Variants in SVIL observed in about 807,000 individuals in gnomAD.
SVIL encodes the protein archvillin.
SVIL carries 101 observed loss-of-function variants against 240.4 expected under a neutral mutation model. The ratio of observed to expected loss-of-function variants is 0.42; its 90% CI spans 0.36 to 0.50. The LOEUF (loss-of-function observed/expected upper bound fraction) is 0.50. Among genes scored for constraint, SVIL ranks in the 20% least tolerant of loss-of-function variants. SVIL has a pLI of 0.01. For synonymous variants in SVIL, 999 were observed against 1,100.0 expected (o/e 0.91, Z 1.82); for missense variants, 2,512 against 2,818.7 (o/e 0.89, Z 2.46).
chr10:29,495,158 T>C lies in SVIL; in HGVS notation c.3688A>G (p.Thr1230Ala). Residue 1230 changes from threonine to alanine, a missense_variant, in exon 19 of 38, where the codon ACC becomes GCC. Around this residue, in one of 3 missense-constraint regions of SVIL, gnomAD observed 272 missense variants for 406.8 expected, o/e 0.67. Transcript: ENST00000355867. ...CCGCAAATGGGTGAGGCTACTGGGGTTATGGCAGTAGGTGACGCCAAACCT... is the reference window on the plus strand; with the variant it reads ...CCGCAAATGGGTGAGGCTACTGGGGCTATGGCAGTAGGTGACGCCAAACCT... The part of the protein sequence containing the change: ...KKGLASPTAI[T>A]PVASPICGKT... 4 of 1,529,926 alleles carry C rather than the reference T, an allele frequency of 2.6e-6. No homozygotes were observed. Among genetic ancestry groups the C allele is most frequent in the Non-Finnish European group, 3.6e-6 (4 of 1,115,366 alleles). 94.8% of individuals were successfully genotyped at this position (1,529,926 alleles called of 1,614,324 possible).
Position 29,488,141 on chromosome 10 carries a change from T to C in SVIL, c.4348+460A>G, listed in dbSNP as rs1345326523. Among the ~76,000 whole-genome samples, 5 of 152,166 alleles carry C rather than the reference T, an allele frequency of 3.3e-5. No homozygotes were observed. The East Asian group carries it at 9.6e-4, about 29-fold the overall frequency. ...CAGGTGGGCTTCATCTGCGTCGAAC[T>C]TCCCTTGATTCCTTCTCCAAGCTGT... On this transcript the variant is annotated intron_variant, in intron 23 of 37. Transcript: ENST00000355867.
At chr10:29,659,002 C>T (rs1192519338) in intron 2 of SVIL, among the ~76,000 whole-genome samples, 4 of 152,182 alleles carry the variant, frequency 2.6e-5, no homozygotes, top group Non-Finnish European at 5.9e-5. Flanking sequence ...CAGGCAGAGA[C>T]AATCTCTGCA....
At chr10:29,716,751 T>C (rs896723378) in intron 1 of SVIL, among the ~76,000 whole-genome samples, 5 of 152,246 alleles carry the variant, frequency 3.3e-5, no homozygotes, top group African/African-American at 1.2e-4. Flanking sequence ...CTTGGATTCT[T>C]GAAGCAGTTT....
chr10:29,705,962 C>T (rs1962863338), intron 1 of SVIL, among the ~76,000 whole-genome samples: 1 of 152,142 alleles, frequency 6.6e-6, no homozygotes, highest in South Asian at 2.1e-4. Flanking sequence ...GTGCATGTTT[C>T]TTTATAATAG....
chr10:29,615,255 T>G (rs1194369897), intron 1 of SVIL, among the ~76,000 whole-genome samples: 1 of 152,250 alleles, frequency 6.6e-6, no homozygotes, highest in African/African-American at 2.4e-5. Flanking sequence ...TAGCTTTAAT[T>G]AAAGAATTTT....
chr10:29,662,577 C>T (rs994241851), intron 2 of SVIL, among the ~76,000 whole-genome samples: 3 of 152,166 alleles, frequency 2.0e-5, no homozygotes, highest in Admixed American at 6.5e-5. Context: ...ATCCATCACC[C>T]CTCAGATAGC....
intron 3 of SVIL, among the ~76,000 whole-genome samples, chr10:29,646,563 TC>T (rs1444191772): frequency 1.3e-4 from 20 of 152,232 alleles, no homozygotes; most frequent in Non-Finnish European, 2.6e-4. Context: ...GCAAGTTCAG[TC>T]CTTTCTCCCC....
chr10:29,593,692 G>A (rs1956475291), intron 1 of SVIL, among the ~76,000 whole-genome samples: 1 of 151,892 alleles, frequency 6.6e-6, no homozygotes, highest in South Asian at 2.1e-4. Flanking sequence ...TTTGGACAAT[G>A]TGCCAAAACT....
At chr10:29,662,225 A>C (rs1444865456) in intron 2 of SVIL, among the ~76,000 whole-genome samples, 1 of 152,142 alleles carries the variant, frequency 6.6e-6, no homozygotes, top group Non-Finnish European at 1.5e-5. Flanking sequence ...GTCTCATACA[A>C]ATCTTTCAGG....
At chr10:29,649,207 T>C (rs1174414764) in intron 3 of SVIL, among the ~76,000 whole-genome samples, 1 of 152,144 alleles carries the variant, frequency 6.6e-6, no homozygotes, top group Non-Finnish European at 1.5e-5. Context: ...AATTTTTTCA[T>C]GGGTGATATT....
At chr10:29,464,342 G>A (rs1944633454) in intron 34 of SVIL, among the ~76,000 whole-genome samples, 1 of 152,202 alleles carries the variant, frequency 6.6e-6, no homozygotes, top group African/African-American at 2.4e-5. Context: ...AGGAAGCTAA[G>A]GAGAGAGGAT....
At chr10:29,728,694 G>A (rs534570429) in intron 1 of SVIL, among the ~76,000 whole-genome samples, 98 of 152,296 alleles carry the variant, frequency 6.4e-4, no homozygotes, top group African/African-American at 2.2e-3. Flanking sequence ...CTGGGAAACT[G>A]CAGACACAAA....
intron 1 of SVIL, among the ~76,000 whole-genome samples, chr10:29,615,776 A>G: frequency 6.6e-6 from 1 of 152,210 alleles, no homozygotes; most frequent in East Asian, 1.9e-4. Flanking sequence ...TATCAGGCAT[A>G]ATATCAAATT....
intron 2 of SVIL, among the ~76,000 whole-genome samples, chr10:29,667,055 C>A (rs1237545343): frequency 6.6e-6 from 1 of 152,030 alleles, no homozygotes; most frequent in Admixed American, 6.6e-5. Context: ...GGCACAGGTA[C>A]TTTGGGAAAC....
chr10:29,605,312 A>G (rs1355145242), intron 1 of SVIL, among the ~76,000 whole-genome samples: 1 of 152,140 alleles, frequency 6.6e-6, no homozygotes, highest in Non-Finnish European at 1.5e-5. Context: ...ATCTGAAAGA[A>G]CTCTGACAAA....
At chr10:29,548,554 C>T (rs1290428525) in intron 6 of SVIL, among the ~76,000 whole-genome samples, 1 of 152,184 alleles carries the variant, frequency 6.6e-6, no homozygotes, top group Admixed American at 6.5e-5. Flanking sequence ...ATGGCAGCTG[C>T]TCTTATCTTG....
chr10:29,518,610 C>A (rs1469452244), intron 16 of SVIL, among the ~76,000 whole-genome samples: 1 of 151,936 alleles, frequency 6.6e-6, no homozygotes, highest in Non-Finnish European at 1.5e-5. Flanking sequence ...AATCCCAACA[C>A]TTTGGGAGGC....
At chr10:29,582,719 G>A (rs1955998344) in intron 1 of SVIL, among the ~76,000 whole-genome samples, 1 of 144,310 alleles carries the variant, frequency 6.9e-6, no homozygotes, top group South Asian at 2.3e-4. Context: ...GTGACAGAGT[G>A]AGACCCTGTC....
At chr10:29,732,125 G>A (rs188127971) in intron 1 of SVIL, among the ~76,000 whole-genome samples, 252 of 152,324 alleles carry the variant, frequency 1.7e-3, no homozygotes, top group Middle Eastern at 3.4e-3. Context: ...GGTTATGCAC[G>A]CAGCTCATTT....
Sources: gnomAD v4.1 joint callset for allele counts (sites outside exome capture counted in the v4.1 genomes callset) on GRCh38, gnomAD v4.1.1 for gene constraint, gnomAD v4.1.1 regional missense constraint, MANE v1.5 for transcripts, NCBI Gene and HGNC (gene_info 2026-07-23, HGNC 2026-07-21) for gene names.